KMT5C: variants seen among roughly 807,000 people sequenced by gnomAD.
KMT5C encodes histone-lysine N-methyltransferase KMT5C.
KMT5C carries 16 observed loss-of-function variants against 38.2 expected under a neutral mutation model. The ratio of observed to expected loss-of-function variants is 0.42; its 90% CI spans 0.28 to 0.64. KMT5C has a LOEUF of 0.64. Among genes scored for constraint, KMT5C ranks in the 30% least tolerant of loss-of-function variants. KMT5C has a pLI of 0.23. For missense variants in KMT5C, 598 were observed against 665.1 expected, an observed-to-expected ratio of 0.90 and a Z score of 1.11; for synonymous variants, 291 against 279.0, an observed-to-expected ratio of 1.04 and a Z score of -0.43.
At chr19:55,344,039 A>G in intron 6 of KMT5C, 42 bp downstream of exon 6, 1 of 1,600,322 alleles carries the variant, frequency 6.2e-7, no homozygotes, top group Non-Finnish European at 8.5e-7. Flanking sequence ...CGCAGGAAGA[A>G]AGGGTGCCTG....
In KMT5C at chr19:55,343,550, C is replaced by T. The variant is rs537892279; in HGVS notation, c.387-130C>T. On this transcript the variant is annotated intron_variant, in intron 4 of 8. Transcript: ENST00000255613. This position sits in a 1 kb window ranked among gnomAD's most constrained non-coding sequence, Gnocchi z 5.5. Reference sequence around the variant, plus strand: ...GAAGAGGGAGATCTGGAAGATGGATCGCCAATAGCCAGCACCAGCGCCCAG... The same window carrying T: ...GAAGAGGGAGATCTGGAAGATGGATTGCCAATAGCCAGCACCAGCGCCCAG... 2.4e-4 allele frequency: 203 copies of T among 839,676 alleles called. 1 individual carries two copies. Among genetic ancestry groups the T allele is most frequent in the South Asian group, 1.9e-3 (111 of 57,268 alleles). The allele number at this position is 839,676 out of a possible 1,614,324, so 52.0% of individuals were successfully genotyped here. A position where few individuals can be genotyped will look rare whatever the true frequency, so the allele number is the denominator to read the frequency against.
rs754234749 is a variant in KMT5C at position 55,346,281 on chromosome 19, G to A, written c.639G>A (p.Val213=). 1.2e-6 allele frequency: 2 copies of A among 1,614,064 alleles called. No individual in the cohort carries two copies. The highest frequency in any genetic ancestry group is 1.7e-6 in the Non-Finnish European group (2 of 1,179,968). ...VLRDIEPGDE[V]TCFYGEGFFG... ...GGGACATTGAGCCTGGGGACGAGGTGACATGCTTCTACGGCGAGGGCTTCT... is the reference window on the plus strand; with the variant it reads ...GGGACATTGAGCCTGGGGACGAGGTAACATGCTTCTACGGCGAGGGCTTCT... The change falls in exon 7 of 9, where the codon GTG becomes GTA. Residue 213 remains valine (V), a synonymous_variant. Coordinates refer to ENST00000255613, the MANE Select transcript of KMT5C (RefSeq NM_032701.4).
intron 1 of KMT5C, among the ~76,000 whole-genome samples, chr19:55,340,769 C>T (rs771491185): frequency 6.6e-6 from 1 of 151,928 alleles, no homozygotes; most frequent in Non-Finnish European, 1.5e-5. Context: ...TCTCTGTCCT[C>T]CCTGGCACCC....
In KMT5C at chr19:55,347,367, C is replaced by A. The variant is rs1321806156; in HGVS notation, c.1307C>A (p.Ala436Asp). 2 of 1,583,970 alleles carry A rather than the reference C, an allele frequency of 1.3e-6. No homozygotes were observed. The highest frequency in any genetic ancestry group is 1.7e-6 in the Non-Finnish European group (2 of 1,170,374). Residue 436 changes from alanine to aspartate, a missense_variant, in exon 9 of 9, where the codon GCC becomes GAC. Ala to Asp is a moderately radical substitution (Grantham distance 126). Coordinates refer to ENST00000255613, the MANE Select transcript of KMT5C (RefSeq NM_032701.4). The surrounding 1 kb of genome is among the most constrained non-coding windows in gnomAD (Gnocchi z 4.6). The stretch of plus-strand genomic sequence containing the variant: ...ATCCCGAAGCAGGCCCTCGCCTTCG[C>A]CCCCTTCTCCCCACCCAAGCGCCTA... ...ILIPKQALAF[A>D]PFSPPKRLRL... is the part of the protein sequence containing the mutation.
intron 1 of KMT5C, among the ~76,000 whole-genome samples, chr19:55,340,979 C>T (rs117234107): frequency 0.015 from 2,212 of 152,210 alleles, 24 homozygotes; most frequent in Non-Finnish European, 0.022. Flanking sequence ...CCCGACCCCT[C>T]CACAGCCGTC....
chr19:55,344,654 G>A (rs750213924), intron 6 of KMT5C: 4 of 513,490 alleles, frequency 7.8e-6, no homozygotes, highest in African/African-American at 1.9e-5. Context: ...AGGGAACAAC[G>A]CAGGCAGCTG....
At chr19:55,345,189 A>G in intron 6 of KMT5C, 1 of 394,676 alleles carries the variant, frequency 2.5e-6, no homozygotes. Flanking sequence ...CTGGGCATCG[A>G]CGGAGGAGTA....
chr19:55,346,852 G>A, intron 8 of KMT5C, 104 bp from the exon 9 acceptor site: 1 of 786,338 alleles, frequency 1.3e-6, no homozygotes, highest in Non-Finnish European at 2.1e-6. Context: ...CCTCTGGGGA[G>A]CGCAGGGCAG....
intron 7 of KMT5C, 73 bp from the exon 8 acceptor site, chr19:55,346,427 C>T: frequency 6.2e-7 from 1 of 1,608,946 alleles, no homozygotes. Context: ...GGGACCCATC[C>T]CTGAGTGTGT....
rs1182445581 is a variant in KMT5C, at chr19:55,342,300, C to A, written c.196C>A (p.Arg66=). 6.3e-7 allele frequency: 1 copy of A among 1,590,302 alleles called. No homozygotes were observed. The highest frequency in any genetic ancestry group is 2.3e-5 in the East Asian group (1 of 43,556). The part of the protein sequence containing the change: ...LRQRDLEAAY[R]ALTLGGWTAR... ...GCAGCGGGACCTGGAGGCTGCGTACCGGGCCCTGACGCTGGGAGGCTGGAC... is the reference window on the plus strand; with the variant it reads ...GCAGCGGGACCTGGAGGCTGCGTACAGGGCCCTGACGCTGGGAGGCTGGAC... The change falls in exon 3 of 9, where the codon CGG becomes AGG. Residue 66 remains arginine (R), a synonymous_variant. Transcript: ENST00000255613.
Position 55,343,949 on chromosome 19 carries a change from C to G in KMT5C, c.551-29C>G, listed in dbSNP as rs769698486. ...TGAGCTGCCGAGCTCATCTACCTCT[C>G]TTCTCTCTCCTGCCCCAACTGGCTC... On this transcript the variant is annotated intron_variant, in intron 5 of 8. Transcript: ENST00000255613. The surrounding 1 kb of genome is among the most constrained non-coding windows in gnomAD (Gnocchi z 5.5). The G allele has an allele frequency of 1.2e-6, 2 of 1,611,430 alleles. No homozygotes were observed. The highest frequency in any genetic ancestry group is 1.7e-6 in the Non-Finnish European group (2 of 1,177,868).
Position 55,346,622 on chromosome 19 carries a change from G to T in KMT5C, c.830G>T (p.Arg277Leu). 1 of 1,571,810 alleles carries T rather than the reference G, an allele frequency of 6.4e-7. No individual in the cohort carries two copies. The change falls in exon 8 of 9, where the codon CGA becomes CTA. Residue 277 changes from arginine (R) to leucine (L), a missense_variant. Physicochemically the swap from Arg to Leu is moderately radical, Grantham distance 102 (BLOSUM62 -2). This residue lies in a region of KMT5C where 326 missense variants were observed against 298.1 expected (regional missense o/e 1.09). Transcript: ENST00000255613. ...RLQQGLDSGSRQGLLGPRACV... is the reference protein window; with the variant it reads ...RLQQGLDSGSLQGLLGPRACV... ...CAGCAAGGCCTGGACAGTGGCAGCCGACAGGGCCTGCTGGGCCCTCGGGCC... is the reference window on the plus strand; with the variant it reads ...CAGCAAGGCCTGGACAGTGGCAGCCTACAGGGCCTGCTGGGCCCTCGGGCC...
In KMT5C at chr19:55,341,814, A is replaced by G; in HGVS notation, c.-123A>G. ...TGCAGATGAGATCGTGGGGCTCACC[A>G]GCGTCCCCCATGGCTTCTGAGTAGC... is the stretch of plus-strand genomic sequence containing the variant. On this transcript the variant is annotated 5_prime_UTR_variant, in exon 2 of 9. Coordinates refer to ENST00000255613, the MANE Select transcript of KMT5C (RefSeq NM_032701.4). 5.5e-6 allele frequency: 4 copies of G among 727,590 alleles called. No individual in the cohort carries two copies. In the South Asian group the frequency reaches 6.7e-5, roughly 12 times the overall value. The allele number at this position is 727,590 out of a possible 1,614,324, so 45.1% of individuals were successfully genotyped here.
Position 55,343,826 on chromosome 19 carries a change from C to T in KMT5C, c.533C>T (p.Ala178Val). The T allele has an allele frequency of 6.2e-7, 1 of 1,613,684 alleles. No individual in the cohort carries two copies. The highest frequency in any genetic ancestry group is 2.2e-5 in the East Asian group (1 of 44,864). ...KRSAQLWLGPAAFINHDCKPN... is the reference protein window; with the variant it reads ...KRSAQLWLGPVAFINHDCKPN... Reference sequence around the variant, plus strand: ...AGTGCTCAGCTGTGGCTGGGCCCAGCCGCCTTCATCAACCATGGTGAGGGT... The same window carrying T: ...AGTGCTCAGCTGTGGCTGGGCCCAGTCGCCTTCATCAACCATGGTGAGGGT... The change falls in exon 5 of 9, where the codon GCC (alanine) becomes GTC (valine). Residue 178 changes from alanine (A) to valine (V), a missense_variant. By Grantham distance (64) the Ala-to-Val change is moderately conservative. Around this residue, in one of 3 missense-constraint regions of KMT5C, gnomAD observed 105 missense variants for 179.2 expected, o/e 0.59. Coordinates refer to ENST00000255613, the MANE Select transcript of KMT5C (RefSeq NM_032701.4). This position sits in a 1 kb window ranked among gnomAD's most constrained non-coding sequence, Gnocchi z 5.5.
rs2089637506 is a variant in KMT5C at position 55,347,630 on chromosome 19, C to A, written c.*181C>A. On this transcript the variant is annotated 3_prime_UTR_variant, in exon 9 of 9. Coordinates refer to ENST00000255613, the MANE Select transcript of KMT5C (RefSeq NM_032701.4). This position sits in a 1 kb window ranked among gnomAD's most constrained non-coding sequence, Gnocchi z 4.6. ...GGATCTGAGCCCTGACCCTTTGTGA[C>A]TGCTGACCCCTGAGCCACCCCCACT... 8 of 1,031,972 alleles carry A rather than the reference C, an allele frequency of 7.8e-6. No individual in the cohort carries two copies. In the South Asian group the frequency reaches 1.3e-4, roughly 16 times the overall value. 63.9% of individuals were successfully genotyped at this position (1,031,972 alleles called of 1,614,324 possible).
rs1600267374 is a variant in KMT5C at position 55,346,432 on chromosome 19, G to C, written c.708-68G>C. ...ACGCACCCTCGGGACCCATCCCTGAGTGTGTCCAACCCCAGCCTCTCATCT... is the reference window on the plus strand; with the variant it reads ...ACGCACCCTCGGGACCCATCCCTGACTGTGTCCAACCCCAGCCTCTCATCT... On this transcript the variant is annotated intron_variant, in intron 7 of 8. Coordinates refer to ENST00000255613, the MANE Select transcript of KMT5C (RefSeq NM_032701.4). The C allele has an allele frequency of 6.8e-6, 11 of 1,607,368 alleles. No homozygotes were observed. The East Asian group carries it at 2.5e-4, about 36-fold the overall frequency.
In KMT5C at chr19:55,343,577, A is replaced by G. The variant is rs2089584885; in HGVS notation, c.387-103A>G. Reference sequence around the variant, plus strand: ...CCAATAGCCAGCACCAGCGCCCAGGAGTCCCTCCTTCCTGGGTGCCTCTGT... The same window carrying G: ...CCAATAGCCAGCACCAGCGCCCAGGGGTCCCTCCTTCCTGGGTGCCTCTGT... On this transcript the variant is annotated intron_variant, in intron 4 of 8. Coordinates refer to ENST00000255613, the MANE Select transcript of KMT5C (RefSeq NM_032701.4). The surrounding 1 kb of genome is among the most constrained non-coding windows in gnomAD (Gnocchi z 5.5). 4 of 1,127,926 alleles carry G rather than the reference A, an allele frequency of 3.5e-6. No individual in the cohort carries two copies. Among genetic ancestry groups the G allele is most frequent in the African/African-American group, 1.6e-5 (1 of 64,408 alleles). 69.9% of individuals were successfully genotyped at this position (1,127,926 alleles called of 1,614,324 possible).
rs2089582910 is a variant in KMT5C, at chr19:55,343,403, A to G, written c.387-277A>G. ...GAGGGATTTGGGGGCAGGAGGTGCT[A>G]TGAGAGCGAGGGGAGAGAATGGGGG... On this transcript the variant is annotated intron_variant, in intron 4 of 8. Transcript: ENST00000255613. The surrounding 1 kb of genome is among the most constrained non-coding windows in gnomAD (Gnocchi z 5.5). The G allele has an allele frequency of 1.3e-5, 6 of 475,414 alleles. No individual in the cohort carries two copies. In the Admixed American group the frequency reaches 2.0e-4, roughly 16 times the overall value. 29.4% of individuals were successfully genotyped at this position (475,414 alleles called of 1,614,324 possible).
intron 3 of KMT5C, 26 bp from the exon 4 acceptor site, chr19:55,342,716 C>T (rs2089573349): frequency 7.3e-7 from 1 of 1,363,284 alleles, no homozygotes; most frequent in East Asian, 2.3e-5. Flanking sequence ...GCCCCGCCTC[C>T]TCACCCCCAC....
Sources: allele counts gnomAD v4.1 joint callset (sites outside exome capture counted in the v4.1 genomes callset), GRCh38; gene constraint gnomAD v4.1.1; regional missense constraint gnomAD v4.1.1; non-coding constraint Gnocchi (gnomAD v3.1); transcripts MANE v1.5; gene names NCBI Gene and HGNC (gene_info 2026-07-23, HGNC 2026-07-21).